Variants in PACSIN2 observed in about 807,000 individuals in gnomAD.
PACSIN2 encodes protein kinase C and casein kinase substrate in neurons 2.
Under a neutral mutation model 63.8 loss-of-function variants are expected in PACSIN2, and 25 were observed. The ratio of observed to expected loss-of-function variants is 0.39; its 90% CI spans 0.29 to 0.55. The LOEUF (loss-of-function observed/expected upper bound fraction) is 0.55, where lower values mean the gene tolerates loss of function less well. Ranked by LOEUF, PACSIN2 falls within the 20% of genes least tolerant of loss-of-function variation. PACSIN2 has a pLI of 0.62. For missense variants in PACSIN2, 518 were observed against 646.9 expected (o/e 0.80, Z 2.16); for synonymous variants, 255 against 256.2 (o/e 1.00, Z 0.05).
chr22:42,960,572 T>C (rs1305641843), intron 1 of PACSIN2, among the ~76,000 whole-genome samples: 1 of 152,056 alleles, frequency 6.6e-6, no homozygotes, highest in Non-Finnish European at 1.5e-5. Flanking sequence ...AAAAAAACAA[T>C]AAAGCTTTAG....
Position 42,919,787 on chromosome 22 carries a change from A to AG in PACSIN2, c.-77-7631_-77-7630insC, listed in dbSNP as rs1569271469. Among the ~76,000 whole-genome samples the AG allele has an allele frequency of 5.0e-3, 706 of 141,890 alleles. 5 individuals are homozygous for AG. The highest frequency in any genetic ancestry group is 9.1e-3 in the Non-Finnish European group (603 of 66,344). The allele number at this position is 141,890 out of a possible 152,430, so 93.1% of individuals were successfully genotyped here. On this transcript the variant is annotated intron_variant, in intron 1 of 10. Transcript: ENST00000263246. ...GAACCTGTCTCAAAAAAAAAAAAAA[A>AG]AAAAAAAAAAGAAAGAAAGAAAGAA...
chr22:42,986,631 A>G (rs959335337), intron 1 of PACSIN2, among the ~76,000 whole-genome samples: 6 of 152,208 alleles, frequency 3.9e-5, no homozygotes, highest in African/African-American at 7.2e-5. Context: ...ACATGGGAAC[A>G]CAATGACTTC....
chr22:42,989,859 G>A (rs1265979698), intron 1 of PACSIN2, among the ~76,000 whole-genome samples: 4 of 115,150 alleles, frequency 3.5e-5, no homozygotes, highest in African/African-American at 1.3e-4. Context: ...CTTGGAGGGG[G>A]AAAAAAAAAT....
intron 1 of PACSIN2, among the ~76,000 whole-genome samples, chr22:43,010,090 G>A (rs1029211634): frequency 1.3e-5 from 2 of 151,606 alleles, no homozygotes; most frequent in Middle Eastern, 3.2e-3. Flanking sequence ...GGCTGGTCTC[G>A]AACTCCTGAC....
At chr22:42,971,951 C>T (rs1601592710) in intron 1 of PACSIN2, among the ~76,000 whole-genome samples, 1 of 151,548 alleles carries the variant, frequency 6.6e-6, no homozygotes, top group African/African-American at 2.4e-5. Flanking sequence ...TCTGCCCGGC[C>T]GCCCCGTCTG....
intron 7 of PACSIN2, among the ~76,000 whole-genome samples, chr22:42,881,467 C>T (rs1602174763): frequency 6.6e-6 from 1 of 152,214 alleles, no homozygotes; most frequent in Non-Finnish European, 1.5e-5. Flanking sequence ...ACGAGGCCCA[C>T]GCCCACAGCA....
intron 2 of PACSIN2, among the ~76,000 whole-genome samples, chr22:42,904,676 C>A (rs1930942452): frequency 6.6e-6 from 1 of 151,844 alleles, no homozygotes; most frequent in South Asian, 2.1e-4. Flanking sequence ...GCCTCCCCAC[C>A]TCCTTCCGTT....
chr22:42,962,166 G>A (rs986605526), intron 1 of PACSIN2, among the ~76,000 whole-genome samples: 1 of 145,658 alleles, frequency 6.9e-6, no homozygotes, highest in African/African-American at 2.6e-5. Context: ...CCTCCCCCAA[G>A]CCAGGATACC....
chr22:42,936,078 T>C (rs1932907382), intron 1 of PACSIN2, among the ~76,000 whole-genome samples: 1 of 151,852 alleles, frequency 6.6e-6, no homozygotes, highest in Non-Finnish European at 1.5e-5. Context: ...TAGCCGAACA[T>C]GGTGGCGGGT....
Position 42,876,108 on chromosome 22 carries a change from T to C in PACSIN2, c.1348+29A>G, listed in dbSNP as rs761494553. On this transcript the variant is annotated intron_variant, in intron 10 of 10. Coordinates refer to ENST00000263246, the MANE Select transcript of PACSIN2 (RefSeq NM_001184970.3). ...ACAGCCTGCAGGTTGGAAGCCCTCCTCCCCTGGATGCTGGGGGAGCCCACC... is the reference window on the plus strand; with the variant it reads ...ACAGCCTGCAGGTTGGAAGCCCTCCCCCCCTGGATGCTGGGGGAGCCCACC... The C allele has an allele frequency of 1.9e-6, 3 of 1,587,896 alleles. No individual in the cohort carries two copies. The Admixed American group carries it at 5.1e-5, about 27-fold the overall frequency.
chr22:42,876,125 G>A lies in PACSIN2; in HGVS notation c.1348+12C>T. 4 of 1,600,654 alleles carry A rather than the reference G, an allele frequency of 2.5e-6. No homozygotes were observed. The highest frequency in any genetic ancestry group is 3.4e-6 in the Non-Finnish European group (4 of 1,168,850). ...AGCCCTCCTCCCCTGGATGCTGGGG[G>A]AGCCCACCTACCAGCCTTGAAGCTC... On this transcript the variant is annotated intron_variant, in intron 10 of 10. Transcript: ENST00000263246.
rs372920955 is a variant in PACSIN2 at position 42,893,445 on chromosome 22, G to A, written c.217+12C>T. On this transcript the variant is annotated intron_variant, in intron 3 of 10. Transcript: ENST00000263246. Reference sequence around the variant, plus strand: ...GCCTCCAGGCCACAGGACCTGTGCCGGGGCCCCATACCTTTCTCCACGAGC... The same window carrying A: ...GCCTCCAGGCCACAGGACCTGTGCCAGGGCCCCATACCTTTCTCCACGAGC... The A allele has an allele frequency of 1.7e-4, 267 of 1,609,398 alleles. No homozygotes were observed. Among genetic ancestry groups the A allele is most frequent in the Non-Finnish European group, 2.1e-4 (252 of 1,179,812 alleles).
At chr22:42,955,792 A>C (rs1446831929) in intron 1 of PACSIN2, among the ~76,000 whole-genome samples, 1 of 152,252 alleles carries the variant, frequency 6.6e-6, no homozygotes, top group Non-Finnish European at 1.5e-5. Context: ...GGAAAGTAGT[A>C]ACAAATGTTT....
chr22:43,013,331 G>A (rs1402786954), intron 1 of PACSIN2, among the ~76,000 whole-genome samples: 1 of 152,172 alleles, frequency 6.6e-6, no homozygotes, highest in East Asian at 1.9e-4. Context: ...AAAGCTTTAA[G>A]TCTATTGTCA....
chr22:42,936,376 T>C (rs1320117034), intron 1 of PACSIN2, among the ~76,000 whole-genome samples: 1 of 152,012 alleles, frequency 6.6e-6, no homozygotes, highest in Non-Finnish European at 1.5e-5. Context: ...CCAGTATCAG[T>C]GGAAGGAGAT....
At chr22:42,993,962 G>T (rs1447212488) in intron 1 of PACSIN2, among the ~76,000 whole-genome samples, 1 of 152,230 alleles carries the variant, frequency 6.6e-6, no homozygotes, top group Non-Finnish European at 1.5e-5. Flanking sequence ...CCAAGCCACA[G>T]TATCTGTGGT....
chr22:42,906,472 A>G (rs1931081630), intron 2 of PACSIN2, among the ~76,000 whole-genome samples: 1 of 152,248 alleles, frequency 6.6e-6, no homozygotes, highest in Non-Finnish European at 1.5e-5. Context: ...AGGGTCAGCC[A>G]AACATGGCCA....
At chr22:42,995,670 C>A (rs1340414423) in intron 1 of PACSIN2, among the ~76,000 whole-genome samples, 1 of 152,124 alleles carries the variant, frequency 6.6e-6, no homozygotes, top group Non-Finnish European at 1.5e-5. Context: ...AGTAAATATA[C>A]AGATTTGGTA....
At chr22:42,880,855 C>T (rs1024361519) in intron 7 of PACSIN2, among the ~76,000 whole-genome samples, 3 of 152,108 alleles carry the variant, frequency 2.0e-5, no homozygotes, top group Non-Finnish European at 2.9e-5. Context: ...GGGACCCAGG[C>T]GAATTTCACA....
Sources: gnomAD v4.1 joint callset for allele counts (sites outside exome capture counted in the v4.1 genomes callset) on GRCh38, gnomAD v4.1.1 for gene constraint, MANE v1.5 for transcripts, NCBI Gene and HGNC (gene_info 2026-07-23, HGNC 2026-07-21) for gene names.